The following SNX29 variants were observed in gnomAD, a reference collection of about 807,000 sequenced individuals.
SNX29 encodes the protein sorting nexin 29, also known as sorting nexin-29.
A neutral mutation model predicts 102.1 loss-of-function variants in SNX29; 78 were observed. The ratio of observed to expected loss-of-function variants is 0.76; its 90% CI spans 0.64 to 0.92. The LOEUF is 0.92. Ranked by LOEUF, SNX29 falls within the 40% of genes least tolerant of loss-of-function variation. SNX29 has a pLI of 0.00. For missense variants in SNX29, 1,280 were observed against 1,061.7 expected, an observed-to-expected ratio of 1.21 and a Z score of -2.86; for synonymous variants, 580 against 414.5, an observed-to-expected ratio of 1.40 and a Z score of -4.85.
Position 12,545,786 on chromosome 16 carries a change from C to G in SNX29, c.2318+20945C>G, listed in dbSNP as rs533694293. 5.4e-4 allele frequency among the ~76,000 whole-genome samples: 82 copies of G among 152,186 alleles called. 1 individual carries two copies. Among genetic ancestry groups the G allele is most frequent in the African/African-American group, 1.9e-3 (78 of 41,506 alleles). On this transcript the variant is annotated intron_variant, in intron 20 of 20. Coordinates refer to ENST00000566228, the MANE Select transcript of SNX29 (RefSeq NM_032167.5). ...GGCAGCTTTTAAACAGTACCTTTCA[C>G]CACTAGGCATACAGGGGCCTCCCTA...
chr16:12,135,137 G>T (rs1437822492), intron 13 of SNX29, among the ~76,000 whole-genome samples: 1 of 152,222 alleles, frequency 6.6e-6, no homozygotes, highest in Non-Finnish European at 1.5e-5. Flanking sequence ...TGGAATGGAT[G>T]ATGCTTGCCC....
At chr16:12,243,180 C>T (rs897987126) in intron 14 of SNX29, among the ~76,000 whole-genome samples, 5 of 152,244 alleles carry the variant, frequency 3.3e-5, no homozygotes, top group African/African-American at 1.2e-4. Flanking sequence ...CTTGGGCACA[C>T]ACCGATTCGT....
At position 12,013,541 on chromosome 16, in the gene SNX29, A is replaced by ATATATATATG. The variant is rs1325376334; in HGVS notation, c.122+10499_122+10500insATATATATGT. ...TATATATATATATATATATATATAT[A>ATATATATATG]TCGAGAGAGGAGAAAAGGGTGGTCT... On this transcript the variant is annotated intron_variant, in intron 3 of 20. Transcript: ENST00000566228. 7.5e-5 allele frequency among the ~76,000 whole-genome samples: 9 copies of ATATATATATG among 119,222 alleles called. No individual in the cohort carries two copies. In the East Asian group the frequency reaches 1.6e-3, roughly 21 times the overall value. 78.2% of individuals were successfully genotyped at this position (119,222 alleles called of 152,430 possible).
intron 14 of SNX29, among the ~76,000 whole-genome samples, chr16:12,222,320 A>G (rs1354287592): frequency 6.6e-6 from 1 of 152,226 alleles, no homozygotes; most frequent in Non-Finnish European, 1.5e-5. Flanking sequence ...AACATTCTCA[A>G]ACAAGCGGGC....
At chr16:12,471,133 G>T (rs1226561762) in intron 18 of SNX29, among the ~76,000 whole-genome samples, 2 of 152,012 alleles carry the variant, frequency 1.3e-5, no homozygotes. Flanking sequence ...CCTATGCTTG[G>T]CACACCCTTA....
chr16:12,503,406 A>G (rs939242651), intron 19 of SNX29, among the ~76,000 whole-genome samples: 2 of 152,140 alleles, frequency 1.3e-5, no homozygotes, highest in African/African-American at 4.8e-5. Flanking sequence ...CTTTGCAGAT[A>G]AGCCCGTGCA....
rs1416385342 is a variant in SNX29 at position 12,566,638 on chromosome 16, C to A, written c.2319-1868C>A. Reference sequence around the variant, plus strand: ...CTACACTGCAAGCAAAGACCTCCTTCCAGCATCTTTGAACCATCCTCTAAG... The same window carrying A: ...CTACACTGCAAGCAAAGACCTCCTTACAGCATCTTTGAACCATCCTCTAAG... On this transcript the variant is annotated intron_variant, in intron 20 of 20. Transcript: ENST00000566228. 2.0e-5 allele frequency among the ~76,000 whole-genome samples: 3 copies of A among 152,340 alleles called. No homozygotes were observed. The East Asian group carries it at 5.8e-4, about 29-fold the overall frequency.
Position 12,073,422 on chromosome 16 carries a change from G to A in SNX29, c.1319+4290G>A, listed in dbSNP as rs1282264503. Among the ~76,000 whole-genome samples, 7 of 152,026 alleles carry A rather than the reference G, an allele frequency of 4.6e-5. No individual in the cohort carries two copies. The East Asian group carries it at 9.6e-4, about 21-fold the overall frequency. On this transcript the variant is annotated intron_variant, in intron 10 of 20. Transcript: ENST00000566228. Reference sequence around the variant, plus strand: ...ACATCTTTATTTCTGCCTTCATTTCGTTATGTACCCAGTAGTCATTCAGGA... The same window carrying A: ...ACATCTTTATTTCTGCCTTCATTTCATTATGTACCCAGTAGTCATTCAGGA...
At chr16:12,511,953 G>A (rs994640067) in intron 19 of SNX29, among the ~76,000 whole-genome samples, 9 of 151,936 alleles carry the variant, frequency 5.9e-5, no homozygotes, top group Non-Finnish European at 7.4e-5. Context: ...GAAGCGACTC[G>A]GTTCACAGTA....
chr16:12,424,973 A>T (rs1213821132), intron 18 of SNX29, among the ~76,000 whole-genome samples: 2 of 152,276 alleles, frequency 1.3e-5, no homozygotes, highest in Non-Finnish European at 2.9e-5. Flanking sequence ...ATTGGGGTAC[A>T]TTCACACAGT....
chr16:12,221,084 C>T (rs1413330781), intron 14 of SNX29, among the ~76,000 whole-genome samples: 3 of 152,120 alleles, frequency 2.0e-5, no homozygotes, highest in African/African-American at 7.2e-5. Context: ...AGTTCTTGCC[C>T]ATATATGAAT....
At chr16:11,983,857 C>A in intron 1 of SNX29, 1 of 287,216 alleles carries the variant, frequency 3.5e-6, no homozygotes, top group Non-Finnish European at 5.2e-6. Context: ...ATACATAGGC[C>A]GTATATTTGC....
At chr16:12,211,546 G>A (rs1270157213) in intron 14 of SNX29, among the ~76,000 whole-genome samples, 1 of 152,116 alleles carries the variant, frequency 6.6e-6, no homozygotes, top group Non-Finnish European at 1.5e-5. Context: ...CCACAAAAGT[G>A]GACCAATAGG....
chr16:12,570,919 T>TGAG lies in SNX29; in HGVS notation c.*2291_*2293dup, dbSNP rs72530770. ...AAAAAACCTGGTCTGCTCTCCAAAA[T>TGAG]GAGAGCATGTTCCTGGGAGCCACAT... On this transcript the variant is annotated 3_prime_UTR_variant, in exon 21 of 21. Transcript: ENST00000566228. 0.013 allele frequency: 3,060 copies of TGAG among 231,886 alleles called. 85 individuals are homozygous for TGAG. The highest frequency in any genetic ancestry group is 0.062 in the African/African-American group (2,795 of 45,304). The allele number at this position is 231,886 out of a possible 1,614,324, so 14.4% of individuals were successfully genotyped here. A position where few individuals can be genotyped will look rare whatever the true frequency, so the allele number is the denominator to read the frequency against.
chr16:12,343,178 A>G (rs368552887), intron 15 of SNX29, among the ~76,000 whole-genome samples: 3 of 152,356 alleles, frequency 2.0e-5, no homozygotes, highest in Non-Finnish European at 2.9e-5. Context: ...TTCTCAAGAC[A>G]TGAGAACACG....
At position 12,550,253 on chromosome 16, in the gene SNX29, TG is replaced by T. The variant is rs541734602; in HGVS notation, c.2319-18250del. 2.4e-3 allele frequency among the ~76,000 whole-genome samples: 364 copies of T among 152,246 alleles called. 1 individual carries two copies. The highest frequency in any genetic ancestry group is 7.8e-3 in the African/African-American group (323 of 41,552). On this transcript the variant is annotated intron_variant, in intron 20 of 20. Transcript: ENST00000566228. ...TTTCTAATTTTAGAAATAGCAAATA[TG>T]GGCCAGACACAGAGGCTTATACCTG...
chr16:12,081,600 G>C lies in SNX29; in HGVS notation c.1402+2685G>C, dbSNP rs1428770010. On this transcript the variant is annotated intron_variant, in intron 11 of 20. Transcript: ENST00000566228. ...GGCAAGAGAATTGCTTAAACCCCGG[G>C]AGGTGGAGGTTGCAGTGAGCCGAGA... The C allele has an allele frequency of 2.0e-5, 3 of 148,868 alleles. No homozygotes were observed. The Admixed American group carries it at 2.0e-4, about 10-fold the overall frequency. The allele number at this position is 148,868 out of a possible 1,614,324, so 9.2% of individuals were successfully genotyped here. A position where few individuals can be genotyped will look rare whatever the true frequency, so the allele number is the denominator to read the frequency against.
chr16:12,184,663 G>A (rs1055459167), intron 13 of SNX29, among the ~76,000 whole-genome samples: 1 of 152,162 alleles, frequency 6.6e-6, no homozygotes, highest in Admixed American at 6.5e-5. Flanking sequence ...CAGGTACATT[G>A]TCTTGGCTCT....
chr16:12,197,397 C>T (rs1205503642), intron 13 of SNX29, among the ~76,000 whole-genome samples: 1 of 151,998 alleles, frequency 6.6e-6, no homozygotes, highest in Non-Finnish European at 1.5e-5. Context: ...TGGTGAAACC[C>T]CCATCTCTAC....
Sources: allele counts gnomAD v4.1 joint callset (sites outside exome capture counted in the v4.1 genomes callset), GRCh38; gene constraint gnomAD v4.1.1; transcripts MANE v1.5; gene names NCBI Gene and HGNC (gene_info 2026-07-23, HGNC 2026-07-21).